The following PCSK2 variants were observed in gnomAD, a reference collection of about 807,000 sequenced individuals.
The protein encoded by PCSK2 is neuroendocrine convertase 2.
PCSK2 carries 14 observed loss-of-function variants against 69.7 expected under a neutral mutation model. The ratio of observed to expected loss-of-function variants is 0.20; its 90% CI spans 0.13 to 0.31. PCSK2 has a LOEUF of 0.31. Ranked by LOEUF, PCSK2 falls within the 10% of genes least tolerant of loss-of-function variation. The pLI is 1.00. For synonymous variants in PCSK2, 307 were observed against 320.7 expected (o/e 0.96, Z 0.46); for missense variants, 544 against 842.5 (o/e 0.65, Z 4.39).
At chr20:17,257,773 G>A (rs2122991973) in intron 1 of PCSK2, among the ~76,000 whole-genome samples, 1 of 152,198 alleles carries the variant, frequency 6.6e-6, no homozygotes. Flanking sequence ...GAGCACTTAG[G>A]GCCTTCTTAG....
At chr20:17,450,066 C>A (rs1238012943) in intron 8 of PCSK2, among the ~76,000 whole-genome samples, 3 of 95,148 alleles carry the variant, frequency 3.2e-5, no homozygotes, top group Non-Finnish European at 6.0e-5. Flanking sequence ...GTCTCACTGT[C>A]GCCTAGGCTG....
At chr20:17,447,378 A>C (rs2032719885) in intron 8 of PCSK2, among the ~76,000 whole-genome samples, 1 of 152,206 alleles carries the variant, frequency 6.6e-6, no homozygotes, top group African/African-American at 2.4e-5. Context: ...TGAGCAGGAA[A>C]GACACAAAAA....
At chr20:17,422,338 T>C (rs6080691) in intron 6 of PCSK2, among the ~76,000 whole-genome samples, 124,511 of 152,044 alleles carry the variant, frequency 0.82, 51,691 homozygotes, top group African/African-American at 0.9. Context: ...ATTTCATAGC[T>C]GATCAAATAG....
intron 4 of PCSK2, among the ~76,000 whole-genome samples, chr20:17,364,974 C>T (rs1480733178): frequency 6.6e-6 from 1 of 152,202 alleles, no homozygotes; most frequent in Admixed American, 6.5e-5. Flanking sequence ...TGATGTCTTA[C>T]TCACCAGAGT....
intron 2 of PCSK2, among the ~76,000 whole-genome samples, chr20:17,305,221 A>T (rs1329282773): frequency 1.3e-5 from 2 of 152,250 alleles, no homozygotes; most frequent in Admixed American, 1.3e-4. Context: ...TATAAATAAT[A>T]TTAAACAGAT....
intron 5 of PCSK2, among the ~76,000 whole-genome samples, chr20:17,408,408 C>T (rs1290387989): frequency 6.6e-6 from 1 of 151,844 alleles, no homozygotes; most frequent in African/African-American, 2.4e-5. Flanking sequence ...AAAAAAAAAC[C>T]CACAAAATTG....
At chr20:17,366,744 A>T (rs2030604002) in intron 4 of PCSK2, among the ~76,000 whole-genome samples, 1 of 152,228 alleles carries the variant, frequency 6.6e-6, no homozygotes, top group Non-Finnish European at 1.5e-5. Context: ...CTCAGACCAA[A>T]GTCGGTATCT....
At chr20:17,291,943 A>C (rs1162510278) in intron 2 of PCSK2, among the ~76,000 whole-genome samples, 1 of 152,204 alleles carries the variant, frequency 6.6e-6, no homozygotes, top group Non-Finnish European at 1.5e-5. Context: ...CAGACAAGAA[A>C]ATCAAGAAAA....
In PCSK2 at chr20:17,369,279, T is replaced by C; in HGVS notation, c.543+2T>C. 1 of 1,613,444 alleles carries C rather than the reference T, an allele frequency of 6.2e-7. No homozygotes were observed. The highest frequency in any genetic ancestry group is 8.5e-7 in the Non-Finnish European group (1 of 1,179,390). ...CACCCGGACCTGGCCTCCAACTATGTAAGTACAAGCCAACTTTGGTGGGGA... is the reference window on the plus strand; with the variant it reads ...CACCCGGACCTGGCCTCCAACTATGCAAGTACAAGCCAACTTTGGTGGGGA... On this transcript the variant is annotated splice_donor_variant, in intron 5 of 11. Coordinates refer to ENST00000262545, the MANE Select transcript of PCSK2 (RefSeq NM_002594.5). LOFTEE classifies it high-confidence loss of function.
chr20:17,478,914 A>G (rs2033340002), intron 11 of PCSK2, among the ~76,000 whole-genome samples: 1 of 152,236 alleles, frequency 6.6e-6, no homozygotes, highest in Non-Finnish European at 1.5e-5. Context: ...ATAGAATATG[A>G]GATAATCTGC....
intron 8 of PCSK2, among the ~76,000 whole-genome samples, chr20:17,444,384 T>C (rs892697259): frequency 3.3e-5 from 5 of 152,248 alleles, no homozygotes; most frequent in Admixed American, 1.3e-4. Flanking sequence ...CCTGACTCCT[T>C]AGGGATTTGA....
At chr20:17,396,319 C>T (rs1169594884) in intron 5 of PCSK2, among the ~76,000 whole-genome samples, 1 of 152,196 alleles carries the variant, frequency 6.6e-6, no homozygotes, top group Non-Finnish European at 1.5e-5. Context: ...CTTCAACCCT[C>T]AGCCTTCTCT....
chr20:17,481,950 C>T lies in PCSK2; in HGVS notation c.1797C>T (p.Tyr599=). Residue 599 remains tyrosine, a synonymous_variant, in exon 12 of 12, where the codon TAC becomes TAT. Coordinates refer to ENST00000262545, the MANE Select transcript of PCSK2 (RefSeq NM_002594.5). ...LMLHGTQSAP[Y]IDQVVRDYQS... Reference sequence around the variant, plus strand: ...TGCATGGCACTCAGAGTGCCCCGTACATCGACCAGGTGGTGCGGGATTACC... The same window carrying T: ...TGCATGGCACTCAGAGTGCCCCGTATATCGACCAGGTGGTGCGGGATTACC... 6.2e-7 allele frequency: 1 copy of T among 1,613,512 alleles called. No individual in the cohort carries two copies. The highest frequency in any genetic ancestry group is 8.5e-7 in the Non-Finnish European group (1 of 1,179,966).
chr20:17,228,815 A>G (rs1322641557), intron 1 of PCSK2, among the ~76,000 whole-genome samples: 7 of 152,154 alleles, frequency 4.6e-5, no homozygotes, highest in African/African-American at 7.2e-5. Context: ...GGGTCTGGCG[A>G]CGAGTTTGAC....
intron 2 of PCSK2, among the ~76,000 whole-genome samples, chr20:17,330,572 G>A (rs543492754): frequency 6.6e-5 from 10 of 152,130 alleles, no homozygotes; most frequent in South Asian, 4.1e-4. Flanking sequence ...AGCCAAGATC[G>A]CACCACTGCA....
chr20:17,418,829 T>C (rs1461101871), intron 6 of PCSK2, among the ~76,000 whole-genome samples: 3 of 152,190 alleles, frequency 2.0e-5, no homozygotes, highest in Non-Finnish European at 4.4e-5. Context: ...GAAAGGCTGG[T>C]GTCAGCATGC....
chr20:17,274,853 G>C (rs1430356301), intron 2 of PCSK2, among the ~76,000 whole-genome samples: 1 of 151,994 alleles, frequency 6.6e-6, no homozygotes, highest in Non-Finnish European at 1.5e-5. Flanking sequence ...GGGGATGAGT[G>C]GTGGAGAACT....
intron 11 of PCSK2, among the ~76,000 whole-genome samples, chr20:17,471,678 C>T (rs1186488609): frequency 6.6e-6 from 1 of 152,232 alleles, no homozygotes; most frequent in Non-Finnish European, 1.5e-5. Flanking sequence ...GTCCCTCGTC[C>T]ACCCCCACAC....
intron 2 of PCSK2, among the ~76,000 whole-genome samples, chr20:17,303,499 TAATA>T (rs1989202950): frequency 2.7e-5 from 1 of 37,426 alleles, no homozygotes; most frequent in African/African-American, 8.8e-5. Context: ...ATATTTAATA[TAATA>T]TATATTATAT....
Sources: gnomAD v4.1 joint callset for allele counts (sites outside exome capture counted in the v4.1 genomes callset) on GRCh38, gnomAD v4.1.1 for gene constraint, MANE v1.5 for transcripts, NCBI Gene and HGNC (gene_info 2026-07-23, HGNC 2026-07-21) for gene names.